TBCK: variants seen among roughly 807,000 people sequenced by gnomAD.
TBCK encodes TBC domain-containing protein kinase-like protein.
In TBCK, 99 loss-of-function variants were observed where a neutral mutation model predicts 113.4. The ratio of observed to expected loss-of-function variants is 0.87; its 90% CI spans 0.74 to 1.03. TBCK has a LOEUF of 1.03. Ranked by LOEUF, TBCK falls within the 50% of genes least tolerant of loss-of-function variation. TBCK has a pLI of 0.00. For synonymous variants in TBCK, 369 were observed against 370.8 expected, an observed-to-expected ratio of 1.00 and a Z score of 0.05; for missense variants, 1,045 against 1,061.3, an observed-to-expected ratio of 0.98 and a Z score of 0.21.
At chr4:106,154,547 T>G (rs910771817) in intron 23 of TBCK, among the ~76,000 whole-genome samples, 7 of 152,168 alleles carry the variant, frequency 4.6e-5, no homozygotes, top group Non-Finnish European at 7.4e-5. Context: ...TGGGAGTCAT[T>G]TCTCATGGCT....
At chr4:106,149,339 T>A (rs1172566026) in intron 23 of TBCK, among the ~76,000 whole-genome samples, 1 of 152,228 alleles carries the variant, frequency 6.6e-6, no homozygotes, top group Non-Finnish European at 1.5e-5. Context: ...AAGTCTAGCT[T>A]TTGGGCTATC....
intron 3 of TBCK, among the ~76,000 whole-genome samples, chr4:106,291,120 A>C (rs1765664249): frequency 1.3e-5 from 2 of 152,184 alleles, no homozygotes; most frequent in African/African-American, 4.8e-5. Flanking sequence ...GATGTACTTC[A>C]AGTGTACAGC....
intron 23 of TBCK, among the ~76,000 whole-genome samples, chr4:106,117,193 G>A (rs989006005): frequency 6.6e-6 from 1 of 151,940 alleles, no homozygotes; most frequent in African/African-American, 2.4e-5. Flanking sequence ...CCTTATGAGA[G>A]TGCTTTAAAA....
At chr4:106,184,092 T>C (rs746422051) in intron 22 of TBCK, among the ~76,000 whole-genome samples, 9 of 152,016 alleles carry the variant, frequency 5.9e-5, no homozygotes, top group Non-Finnish European at 1.3e-4. Context: ...ACAGGAAACT[T>C]TAGACTCTGA....
chr4:106,159,331 TAAG>T (rs1340400093), intron 23 of TBCK, among the ~76,000 whole-genome samples: 7 of 152,054 alleles, frequency 4.6e-5, no homozygotes, highest in Non-Finnish European at 1.5e-5. Context: ...CACTGAAAAG[TAAG>T]AAGTAAATAA....
intron 20 of TBCK, among the ~76,000 whole-genome samples, chr4:106,203,182 T>C (rs1283440586): frequency 2.6e-5 from 4 of 151,844 alleles, no homozygotes; most frequent in African/African-American, 9.7e-5. Context: ...GAGAGACATA[T>C]TTGAAATACG....
chr4:106,278,363 G>C (rs2125773000), intron 3 of TBCK, among the ~76,000 whole-genome samples: 1 of 152,052 alleles, frequency 6.6e-6, no homozygotes, highest in Admixed American at 6.5e-5. Context: ...TTAGAGACCA[G>C]TCCAAGCAAC....
chr4:106,185,227 GCTATAAACAC>G (rs1752878478), intron 22 of TBCK, among the ~76,000 whole-genome samples: 2 of 151,938 alleles, frequency 1.3e-5, no homozygotes, highest in Non-Finnish European at 2.9e-5. Context: ...TTCCCTCTAT[GCTATAAACAC>G]TCTGGTATAT....
intron 20 of TBCK, 71 bp from the exon 21 acceptor site, chr4:106,194,825 A>T: frequency 5.6e-6 from 7 of 1,245,056 alleles, no homozygotes; most frequent in Non-Finnish European, 7.9e-6. Flanking sequence ...ATGATTACCA[A>T]TAAACTAAAT....
intron 25 of TBCK, among the ~76,000 whole-genome samples, chr4:106,081,204 T>C (rs1738832182): frequency 6.6e-6 from 1 of 152,202 alleles, no homozygotes; most frequent in South Asian, 2.1e-4. Flanking sequence ...GGAATATAAA[T>C]CATTCTGTTA....
At chr4:106,267,879 C>A (rs986356718) in intron 3 of TBCK, among the ~76,000 whole-genome samples, 2 of 151,926 alleles carry the variant, frequency 1.3e-5, no homozygotes, top group Non-Finnish European at 2.9e-5. Context: ...ATACTGAGGC[C>A]AAGATCATGG....
At chr4:106,136,482 C>T (rs1341150201) in intron 23 of TBCK, among the ~76,000 whole-genome samples, 1 of 140,768 alleles carries the variant, frequency 7.1e-6, no homozygotes, top group Non-Finnish European at 1.6e-5. Context: ...AGGAGTTTGC[C>T]GTATAAATAA....
chr4:106,124,498 T>G (rs1312752456), intron 23 of TBCK, among the ~76,000 whole-genome samples: 5 of 152,184 alleles, frequency 3.3e-5, no homozygotes, highest in Non-Finnish European at 7.3e-5. Context: ...ATCCCATTAC[T>G]GGGTATATAC....
At chr4:106,085,560 T>C (rs1320484894) in intron 25 of TBCK, among the ~76,000 whole-genome samples, 3 of 151,762 alleles carry the variant, frequency 2.0e-5, no homozygotes, top group Admixed American at 1.3e-4. Context: ...CAATGAGACA[T>C]AAAATTAAGG....
In TBCK at chr4:106,232,962, G is replaced by A; in HGVS notation, c.1615C>T (p.His539Tyr). ...RRVLKAWVVSHPDLVYWQGLD... is the reference protein window; with the variant it reads ...RRVLKAWVVSYPDLVYWQGLD... ...CCTTGCCAATACACAAGATCAGGAT[G>A]AGACACTACCCAGGCTTTTAATACA... Residue 539 changes from histidine to tyrosine, a missense_variant, in exon 17 of 26, where the codon CAT (histidine) becomes TAT (tyrosine). Coordinates refer to ENST00000394708, the MANE Select transcript of TBCK (RefSeq NM_001163435.3). The A allele has an allele frequency of 6.2e-7, 1 of 1,612,134 alleles. No homozygotes were observed. Among genetic ancestry groups the A allele is most frequent in the Non-Finnish European group, 8.5e-7 (1 of 1,178,742 alleles).
At chr4:106,058,626 G>A (rs943922141) in intron 25 of TBCK, among the ~76,000 whole-genome samples, 1 of 151,706 alleles carries the variant, frequency 6.6e-6, no homozygotes, top group Non-Finnish European at 1.5e-5. Context: ...AGGTAATTAT[G>A]GCTGAAACCT....
chr4:106,294,722 C>G (rs1368651102), intron 3 of TBCK, among the ~76,000 whole-genome samples: 1 of 151,948 alleles, frequency 6.6e-6, no homozygotes, highest in East Asian at 2.0e-4. Flanking sequence ...ACCTTGTGAT[C>G]CGCCCGCCTC....
intron 8 of TBCK, 38 bp from the exon 9 acceptor site, chr4:106,248,344 T>A: frequency 2.2e-6 from 3 of 1,338,256 alleles, no homozygotes; most frequent in Non-Finnish European, 3.1e-6. Flanking sequence ...ATTAAAATGA[T>A]CAATTTTAGA....
chr4:106,277,004 A>T lies in TBCK; in HGVS notation c.267-14792T>A, dbSNP rs150964480. On this transcript the variant is annotated intron_variant, in intron 3 of 25. Coordinates refer to ENST00000394708, the MANE Select transcript of TBCK (RefSeq NM_001163435.3). ...ATACACAAAGAATGCCTACAAATCAATAATGAGAAACAATCCACTTAAAAT... is the reference window on the plus strand; with the variant it reads ...ATACACAAAGAATGCCTACAAATCATTAATGAGAAACAATCCACTTAAAAT... Among the ~76,000 whole-genome samples the T allele has an allele frequency of 1.5e-4, 23 of 152,334 alleles. No homozygotes were observed. In the East Asian group the frequency reaches 4.4e-3, roughly 29 times the overall value.
Sources: gnomAD v4.1 joint callset for allele counts (sites outside exome capture counted in the v4.1 genomes callset) on GRCh38, gnomAD v4.1.1 for gene constraint, MANE v1.5 for transcripts, NCBI Gene and HGNC (gene_info 2026-07-23, HGNC 2026-07-21) for gene names.